CCDC192: variants seen among roughly 807,000 people sequenced by gnomAD.
CCDC192 encodes coiled-coil domain containing 192.
At chr5:127,922,823 G>A (rs1753758750) in intron 6 of CCDC192, among the ~76,000 whole-genome samples, 1 of 152,224 alleles carries the variant, frequency 6.6e-6, no homozygotes, top group Admixed American at 6.5e-5. Flanking sequence ...TCAGAGATGA[G>A]CCTTGTCATC....
intron 6 of CCDC192, chr5:127,940,664 T>A (rs995189425): frequency 6.6e-6 from 1 of 152,188 alleles, no homozygotes; most frequent in Non-Finnish European, 1.5e-5. Flanking sequence ...TTAGCCAGGA[T>A]GGTCTCGATC....
chr5:127,779,802 G>A (rs994177413), intron 3 of CCDC192, among the ~76,000 whole-genome samples: 2 of 152,064 alleles, frequency 1.3e-5, no homozygotes, highest in Non-Finnish European at 2.9e-5. Flanking sequence ...GTTCTTTAGT[G>A]GTGATTTTTG....
Position 127,831,612 on chromosome 5 carries a change from A to G in CCDC192, c.411+33450A>G, listed in dbSNP as rs567258780. ...GGAGGTATTAATCACTGGTTATGAC[A>G]TACTTATTTAAAGTCTTGGAAATAA... On this transcript the variant is annotated intron_variant, in intron 5 of 6. Coordinates refer to ENST00000514853, the MANE Select transcript of CCDC192 (RefSeq NM_001317938.2). Among the ~76,000 whole-genome samples the G allele has an allele frequency of 2.0e-5, 3 of 149,580 alleles. No homozygotes were observed. In the East Asian group the frequency reaches 5.9e-4, roughly 30 times the overall value.
chr5:127,878,035 C>G (rs545508265), intron 6 of CCDC192, among the ~76,000 whole-genome samples: 1 of 152,280 alleles, frequency 6.6e-6, no homozygotes, highest in South Asian at 2.1e-4. Context: ...CTCTGCTTCT[C>G]TCTAAAGATG....
chr5:127,883,456 T>A (rs528147206), intron 6 of CCDC192, among the ~76,000 whole-genome samples: 1 of 152,338 alleles, frequency 6.6e-6, no homozygotes, highest in Admixed American at 6.5e-5. Context: ...CAGAAATAGC[T>A]CATATTTAAC....
At chr5:127,901,111 A>G (rs1040350799) in intron 6 of CCDC192, among the ~76,000 whole-genome samples, 4 of 152,344 alleles carry the variant, frequency 2.6e-5, no homozygotes, top group Middle Eastern at 3.4e-3. Context: ...ATTATAATCA[A>G]TTTTATCCCA....
At chr5:127,924,577 C>A (rs1753815398) in intron 6 of CCDC192, among the ~76,000 whole-genome samples, 2 of 152,154 alleles carry the variant, frequency 1.3e-5, no homozygotes, top group African/African-American at 2.4e-5. Context: ...TAGCATATGA[C>A]CCCCAAGGGT....
At chr5:127,872,200 C>A (rs1021855363) in intron 5 of CCDC192, among the ~76,000 whole-genome samples, 2 of 152,168 alleles carry the variant, frequency 1.3e-5, no homozygotes, top group Non-Finnish European at 2.9e-5. Flanking sequence ...TTAAATGTAT[C>A]TGAGTAATCA....
intron 3 of CCDC192, among the ~76,000 whole-genome samples, chr5:127,795,567 T>G (rs1235887025): frequency 6.6e-6 from 1 of 152,028 alleles, no homozygotes; most frequent in East Asian, 1.9e-4. Flanking sequence ...ATCACACAGA[T>G]AGTAAACAGC....
At chr5:127,821,808 C>A (rs1749306673) in intron 5 of CCDC192, among the ~76,000 whole-genome samples, 1 of 152,122 alleles carries the variant, frequency 6.6e-6, no homozygotes, top group African/African-American at 2.4e-5. Flanking sequence ...GCCATAAAGA[C>A]CCTGAGATAG....
At chr5:127,785,063 C>T in intron 3 of CCDC192, 1 of 503,498 alleles carries the variant, frequency 2.0e-6, no homozygotes, top group African/African-American at 1.9e-5. Flanking sequence ...TGAGTGCAAT[C>T]AGTCAGCTGC....
At chr5:127,860,462 C>A (rs1751307144) in intron 5 of CCDC192, among the ~76,000 whole-genome samples, 1 of 151,924 alleles carries the variant, frequency 6.6e-6, no homozygotes, top group Non-Finnish European at 1.5e-5. Flanking sequence ...GGGATCAGTC[C>A]AACAGAAATG....
chr5:127,731,116 C>T (rs1437976876), intron 2 of CCDC192, among the ~76,000 whole-genome samples: 1 of 152,114 alleles, frequency 6.6e-6, no homozygotes, highest in African/African-American at 2.4e-5. Context: ...CTAGAAAATT[C>T]CACCATCTCA....
Position 127,715,096 on chromosome 5 carries a change from C to A in CCDC192, c.114+7336C>A, listed in dbSNP as rs564096761. Among the ~76,000 whole-genome samples the A allele has an allele frequency of 6.6e-5, 10 of 152,106 alleles. No individual in the cohort carries two copies. In the South Asian group the frequency reaches 2.1e-3, roughly 32 times the overall value. On this transcript the variant is annotated intron_variant, in intron 2 of 6. Transcript: ENST00000514853. The stretch of plus-strand genomic sequence containing the variant: ...GGTTGTTTCTTCACTATATTGATTA[C>A]TTCCTTTGCAATACAGAAGCTTTTC...
chr5:127,770,682 A>T (rs1755498448), intron 3 of CCDC192, among the ~76,000 whole-genome samples: 1 of 152,178 alleles, frequency 6.6e-6, no homozygotes, highest in African/African-American at 2.4e-5. Context: ...TCCAGGAGCG[A>T]ATGCACATAG....
chr5:127,865,183 T>G (rs1020436130), intron 5 of CCDC192, among the ~76,000 whole-genome samples: 4 of 152,028 alleles, frequency 2.6e-5, no homozygotes, highest in Non-Finnish European at 5.9e-5. Context: ...TATATAAATC[T>G]AAATATTCTT....
At chr5:127,820,432 T>C (rs1749233848) in intron 5 of CCDC192, among the ~76,000 whole-genome samples, 1 of 151,940 alleles carries the variant, frequency 6.6e-6, no homozygotes, top group South Asian at 2.1e-4. Context: ...AAATACAAAA[T>C]GAACTGGGCA....
intron 2 of CCDC192, among the ~76,000 whole-genome samples, chr5:127,750,394 G>A (rs547450595): frequency 1.3e-5 from 2 of 152,240 alleles, no homozygotes; most frequent in East Asian, 3.9e-4. Context: ...TCAGGAGCAG[G>A]TTGTTCAGTT....
Position 127,749,189 on chromosome 5 carries a change from C to G in CCDC192, c.115-5079C>G, listed in dbSNP as rs1382805539. Among the ~76,000 whole-genome samples, 7 of 151,902 alleles carry G rather than the reference C, an allele frequency of 4.6e-5. No individual in the cohort carries two copies. In the East Asian group the frequency reaches 1.4e-3, roughly 29 times the overall value. On this transcript the variant is annotated intron_variant, in intron 2 of 6. Coordinates refer to ENST00000514853, the MANE Select transcript of CCDC192 (RefSeq NM_001317938.2). Reference sequence around the variant, plus strand: ...TGAGAGAGGGCATCCCTGTCTTGTCCCAGTTTTCAAAGGGAATGCTTCCAG... The same window carrying G: ...TGAGAGAGGGCATCCCTGTCTTGTCGCAGTTTTCAAAGGGAATGCTTCCAG...
Sources: allele counts gnomAD v4.1 joint callset (sites outside exome capture counted in the v4.1 genomes callset), GRCh38; gene constraint gnomAD v4.1.1; transcripts MANE v1.5; gene names NCBI Gene and HGNC (gene_info 2026-07-23, HGNC 2026-07-21).